Variants in ZC3HAV1 observed in about 807,000 individuals in gnomAD.
The protein encoded by ZC3HAV1 is zinc finger CCCH-type antiviral protein 1.
In ZC3HAV1, 41 loss-of-function variants were observed where a neutral mutation model predicts 86.6. That is an observed-to-expected ratio of 0.47 (90% confidence interval 0.37 to 0.61). The LOEUF (loss-of-function observed/expected upper bound fraction) is 0.61, where lower values mean the gene tolerates loss of function less well. Among genes scored for constraint, ZC3HAV1 ranks in the 20% least tolerant of loss-of-function variants. The probability of loss-of-function intolerance (pLI) is 0.00; values close to 1 mark genes in which losing one functional copy is unlikely to be tolerated. For synonymous variants in ZC3HAV1, 421 were observed against 432.1 expected (o/e 0.97, Z 0.32); for missense variants, 964 against 1,141.1 (o/e 0.84, Z 2.24).
In ZC3HAV1 at chr7:139,045,186, A is replaced by T. The variant is rs545269540; in HGVS notation, c.*2408T>A. 1.3e-5 allele frequency: 2 copies of T among 152,174 alleles called. No homozygotes were observed. Among genetic ancestry groups the T allele is most frequent in the African/African-American group, 4.8e-5 (2 of 41,514 alleles). 9.4% of individuals were successfully genotyped at this position (152,174 alleles called of 1,614,324 possible). On this transcript the variant is annotated 3_prime_UTR_variant, in exon 13 of 13. Transcript: ENST00000242351. ...GTGGAGCATATTACCTCTGAATTGG[A>T]TTTGGAGGATAATAAAGAAGATGTA...
At chr7:139,066,278 G>A (rs985213877) in intron 7 of ZC3HAV1, among the ~76,000 whole-genome samples, 4 of 152,150 alleles carry the variant, frequency 2.6e-5, no homozygotes, top group African/African-American at 7.2e-5. Flanking sequence ...CAGCTGGACC[G>A]ACGCCCCTTC....
chr7:139,053,696 A>G, intron 11 of ZC3HAV1, 115 bp from the exon 12 acceptor site: 1 of 1,364,828 alleles, frequency 7.3e-7, no homozygotes, highest in Admixed American at 2.6e-5. Flanking sequence ...CAGCTTTCAC[A>G]ACGGAGCTAC....
chr7:139,069,169 G>A (rs1816695726), intron 7 of ZC3HAV1, among the ~76,000 whole-genome samples: 1 of 152,154 alleles, frequency 6.6e-6, no homozygotes, highest in African/African-American at 2.4e-5. Flanking sequence ...TGACAGCCTT[G>A]CAAGATGTCT....
chr7:139,079,224 G>A lies in ZC3HAV1; in HGVS notation c.1471+246C>T, dbSNP rs574410422. 15 of 1,536,398 alleles carry A rather than the reference G, an allele frequency of 9.8e-6. No homozygotes were observed. The East Asian group carries it at 2.2e-4, about 23-fold the overall frequency. ...CTGTTGCTTGAGGAAAGGGCAGCAG[G>A]TGACTGAGGCAGAGTGCTGACTTGT... On this transcript the variant is annotated intron_variant, in intron 4 of 12. Coordinates refer to ENST00000242351, the MANE Select transcript of ZC3HAV1 (RefSeq NM_020119.4).
At chr7:139,064,532 T>C (rs1374486933) in intron 8 of ZC3HAV1, among the ~76,000 whole-genome samples, 1 of 152,162 alleles carries the variant, frequency 6.6e-6, no homozygotes, top group Non-Finnish European at 1.5e-5. Flanking sequence ...CACCAGCACC[T>C]GAAATATTGC....
intron 7 of ZC3HAV1, 34 bp downstream of exon 7, chr7:139,073,822 A>T: frequency 1.3e-6 from 2 of 1,564,636 alleles, no homozygotes; most frequent in South Asian, 2.3e-5. Flanking sequence ...ACAAGTTTAA[A>T]CAAGAGCCCC....
At chr7:139,087,218 G>C (rs1264455960) in intron 2 of ZC3HAV1, among the ~76,000 whole-genome samples, 2 of 152,184 alleles carry the variant, frequency 1.3e-5, no homozygotes, top group Non-Finnish European at 1.5e-5. Context: ...ATATGTCTCT[G>C]ATCATCAGCA....
chr7:139,068,613 C>T (rs1274765002), intron 7 of ZC3HAV1, among the ~76,000 whole-genome samples: 1 of 152,212 alleles, frequency 6.6e-6, no homozygotes, highest in African/African-American at 2.4e-5. Context: ...AATGAAATTG[C>T]CGCATGTGGC....
chr7:139,050,967 A>G (rs575386424), intron 12 of ZC3HAV1, among the ~76,000 whole-genome samples: 8 of 152,094 alleles, frequency 5.3e-5, no homozygotes, highest in Non-Finnish European at 1.2e-4. Context: ...CTTCTCCGCC[A>G]TGTGGTGACT....
At chr7:139,091,636 A>G (rs1280797230) in intron 1 of ZC3HAV1, among the ~76,000 whole-genome samples, 1 of 151,920 alleles carries the variant, frequency 6.6e-6, no homozygotes, top group Non-Finnish European at 1.5e-5. Context: ...TTTCTTTTTG[A>G]GACAGGGTCT....
intron 12 of ZC3HAV1, among the ~76,000 whole-genome samples, chr7:139,050,524 C>T (rs7782919): frequency 0.088 from 13,415 of 152,076 alleles, 1,002 homozygotes; most frequent in African/African-American, 0.2. Flanking sequence ...TGTGCCACCA[C>T]GCCCAGCTAA....
At position 139,093,377 on chromosome 7, in the gene ZC3HAV1, GTAGGAACACATTATGTGA is replaced by G. The variant is rs577364240; in HGVS notation, c.309-3636_309-3619del. Among the ~76,000 whole-genome samples, 124 of 152,304 alleles carry G rather than the reference GTAGGAACACATTATGTGA, an allele frequency of 8.1e-4. 3 individuals are homozygous for G. The South Asian group carries it at 0.025, about 31-fold the overall frequency. On this transcript the variant is annotated intron_variant, in intron 1 of 12. Coordinates refer to ENST00000242351, the MANE Select transcript of ZC3HAV1 (RefSeq NM_020119.4). ...GGACATAAATCACATAAAGGGTGTG[GTAGGAACACATTATGTGA>G]TAGGCATTATTTGTTGTGATTAGTG... is the stretch of plus-strand genomic sequence containing the variant.
intron 6 of ZC3HAV1, 56 bp downstream of exon 6, chr7:139,076,230 T>C (rs1046618969): frequency 3.1e-6 from 5 of 1,611,684 alleles, no homozygotes; most frequent in East Asian, 2.2e-5. Flanking sequence ...CTAGCACTAA[T>C]GCTTCCCTTT....
At chr7:139,074,062 G>T (rs1273638960) in intron 6 of ZC3HAV1, 32 bp from the exon 7 acceptor site, 1 of 1,580,560 alleles carries the variant, frequency 6.3e-7, no homozygotes, top group Non-Finnish European at 8.6e-7. Flanking sequence ...TTAACATAAT[G>T]CTTCATTGAC....
At chr7:139,078,904 G>T (rs897797957) in intron 4 of ZC3HAV1, among the ~76,000 whole-genome samples, 2 of 152,160 alleles carry the variant, frequency 1.3e-5, no homozygotes, top group African/African-American at 2.4e-5. Context: ...AATAAATGTG[G>T]CAGTTTATTC....
At position 139,079,855 on chromosome 7, in the gene ZC3HAV1, G is replaced by A; in HGVS notation, c.1086C>T (p.Leu362=). The part of the protein sequence containing the change: ...NSTSAPNWKS[L]TSWTNDQGAR... ...CGCCTTGGTCATTCGTCCAGGATGT[G>A]AGGCTCTTCCAGTTGGGGGCTGATG... is the stretch of plus-strand genomic sequence containing the variant. Residue 362 remains leucine, a synonymous_variant, in exon 4 of 13, where the codon CTC becomes CTT. Coordinates refer to ENST00000242351, the MANE Select transcript of ZC3HAV1 (RefSeq NM_020119.4). 1 of 1,614,158 alleles carries A rather than the reference G, an allele frequency of 6.2e-7. No individual in the cohort carries two copies. The highest frequency in any genetic ancestry group is 1.3e-5 in the African/African-American group (1 of 75,034).
intron 1 of ZC3HAV1, among the ~76,000 whole-genome samples, chr7:139,105,032 CAAAAA>C (rs34053904): frequency 2.7e-5 from 2 of 72,832 alleles, no homozygotes; most frequent in Non-Finnish European, 2.8e-5. Context: ...GACTCTGTCT[CAAAAA>C]AAAAAAAAAA....
chr7:139,107,463 A>G (rs1817969493), intron 1 of ZC3HAV1, among the ~76,000 whole-genome samples: 1 of 152,128 alleles, frequency 6.6e-6, no homozygotes, highest in South Asian at 2.1e-4. Context: ...TATTACACGT[A>G]TATTGGGGGT....
chr7:139,097,812 G>C (rs1278639468), intron 1 of ZC3HAV1, among the ~76,000 whole-genome samples: 1 of 152,054 alleles, frequency 6.6e-6, no homozygotes, highest in Non-Finnish European at 1.5e-5. Flanking sequence ...GGCTGGAGGA[G>C]TGGGGGGACT....
Sources: allele counts gnomAD v4.1 joint callset (sites outside exome capture counted in the v4.1 genomes callset), GRCh38; gene constraint gnomAD v4.1.1; transcripts MANE v1.5; gene names NCBI Gene and HGNC (gene_info 2026-07-23, HGNC 2026-07-21).